Variants in PLSCR2 observed in about 807,000 individuals in gnomAD.
The protein encoded by PLSCR2 is PL scramblase 2.
Under a neutral mutation model 25.3 loss-of-function variants are expected in PLSCR2, and 18 were observed. That is an observed-to-expected ratio of 0.71 (90% CI 0.49 to 1.06). PLSCR2 has a LOEUF of 1.06. Ranked by LOEUF, PLSCR2 falls within the 50% of genes least tolerant of loss-of-function variation. PLSCR2 has a pLI of 0.00. For missense variants in PLSCR2, 243 were observed against 269.5 expected (o/e 0.90, Z 0.69); for synonymous variants, 88 against 87.3 (o/e 1.01, Z -0.04).
upstream of PLSCR2, chr3:146,461,894 AG>A (rs2041598232): frequency 2.0e-6 from 3 of 1,500,614 alleles, no homozygotes; most frequent in Non-Finnish European, 2.7e-6. Context: ...CGAAGTTTTC[AG>A]GAGTGCCCAG....
chr3:146,395,018 C>T (rs970318757), intron 3 of PLSCR2, among the ~76,000 whole-genome samples: 2 of 152,262 alleles, frequency 1.3e-5, no homozygotes, highest in Non-Finnish European at 2.9e-5. Flanking sequence ...CTGAAGCCTC[C>T]CTAGCTATGT....
exon 3 of PLSCR2, chr3:146,395,789 CT>C (rs11340803): frequency 0.53 from 86,488 of 164,692 alleles, 23,117 homozygotes; most frequent in South Asian, 0.71. Flanking sequence ...AGCATCAATG[CT>C]TTAATTTTAA....
At chr3:146,495,910 G>T in exon 1 of PLSCR2, 1 of 1,535,632 alleles carries the variant, frequency 6.5e-7, no homozygotes. Context: ...AGGTGAATTT[G>T]AAAAGGCTTC....
intron 1 of PLSCR2, among the ~76,000 whole-genome samples, chr3:146,486,229 T>C (rs140062746): frequency 0.01 from 1,563 of 152,094 alleles, 31 homozygotes; most frequent in African/African-American, 0.035. Context: ...AGATCTCAAA[T>C]TGACACCCTA....
chr3:146,404,027 C>G (rs749586436), intron 2 of PLSCR2, among the ~76,000 whole-genome samples: 2 of 152,122 alleles, frequency 1.3e-5, no homozygotes, highest in Non-Finnish European at 2.9e-5. Context: ...AACCACTCAC[C>G]CCGTCACTCT....
At chr3:146,413,005 T>A in intron 2 of PLSCR2, among the ~76,000 whole-genome samples, 1 of 152,100 alleles carries the variant, frequency 6.6e-6, no homozygotes, top group East Asian at 1.9e-4. Flanking sequence ...AACCAGGAAG[T>A]TAAACTTTAA....
At chr3:146,424,129 A>T (rs1284481742) in intron 2 of PLSCR2, among the ~76,000 whole-genome samples, 4 of 99,782 alleles carry the variant, frequency 4.0e-5, no homozygotes, top group African/African-American at 1.3e-4. Flanking sequence ...AATTTAAAGT[A>T]TTTAAAAAAA....
chr3:146,484,093 T>A (rs1205298269), intron 1 of PLSCR2, among the ~76,000 whole-genome samples: 1 of 151,618 alleles, frequency 6.6e-6, no homozygotes. Flanking sequence ...GAGAGGAAGA[T>A]AAATGACCTG....
chr3:146,468,346 G>T (rs372473351), intron 1 of PLSCR2, among the ~76,000 whole-genome samples: 2 of 152,268 alleles, frequency 1.3e-5, no homozygotes, highest in African/African-American at 4.8e-5. Flanking sequence ...CCCCCAAACC[G>T]CCTGACACTT....
chr3:146,444,190 A>C (rs1482421980), intron 6 of PLSCR2, among the ~76,000 whole-genome samples: 4 of 152,022 alleles, frequency 2.6e-5, no homozygotes, highest in Admixed American at 6.6e-5. Context: ...CATATAGTTT[A>C]TCCTTGAGAA....
At chr3:146,477,545 A>G (rs1345086253) in intron 1 of PLSCR2, among the ~76,000 whole-genome samples, 1 of 152,222 alleles carries the variant, frequency 6.6e-6, no homozygotes, top group Non-Finnish European at 1.5e-5. Context: ...GGTGTCAGCC[A>G]TTGCTGAGGC....
chr3:146,439,936 C>T (rs1180261143), downstream of PLSCR2, among the ~76,000 whole-genome samples: 3 of 152,144 alleles, frequency 2.0e-5, no homozygotes, highest in Admixed American at 6.5e-5. Context: ...ATGATGGTGA[C>T]GTACAGATGG....
At chr3:146,411,507 A>C (rs2038848243) in intron 2 of PLSCR2, among the ~76,000 whole-genome samples, 1 of 152,208 alleles carries the variant, frequency 6.6e-6, no homozygotes, top group Non-Finnish European at 1.5e-5. Context: ...GAAAATTCTT[A>C]GGTGGCGCTC....
chr3:146,460,209 G>A, exon 1 of PLSCR2: 5 of 1,390,848 alleles, frequency 3.6e-6, no homozygotes, highest in Non-Finnish European at 4.7e-6. Context: ...GAAGCTTGAG[G>A]TATGTTTTTA....
downstream of PLSCR2, among the ~76,000 whole-genome samples, chr3:146,438,953 C>T (rs1438296637): frequency 6.6e-6 from 1 of 152,106 alleles, no homozygotes; most frequent in African/African-American, 2.4e-5. Context: ...TTCAGGAGCT[C>T]TTGTAAGGCA....
intron 2 of PLSCR2, among the ~76,000 whole-genome samples, chr3:146,407,536 G>C (rs541832791): frequency 6.6e-6 from 1 of 152,316 alleles, no homozygotes; most frequent in South Asian, 2.1e-4. Context: ...CCTGGGTGCA[G>C]GTTGTGCACT....
chr3:146,468,222 A>T (rs1199923557), intron 1 of PLSCR2, among the ~76,000 whole-genome samples: 3 of 152,144 alleles, frequency 2.0e-5, no homozygotes, highest in Non-Finnish European at 1.5e-5. Flanking sequence ...TTTCCTTTGT[A>T]TGTGTTTTTC....
intron 3 of PLSCR2, among the ~76,000 whole-genome samples, chr3:146,456,545 G>A (rs542883546): frequency 2.6e-5 from 4 of 152,212 alleles, no homozygotes; most frequent in South Asian, 2.1e-4. Flanking sequence ...ACTTACTTGC[G>A]AAAATCTTAA....
intron 3 of PLSCR2, among the ~76,000 whole-genome samples, chr3:146,456,143 G>C (rs897148849): frequency 6.6e-6 from 1 of 152,168 alleles, no homozygotes; most frequent in African/African-American, 2.4e-5. Flanking sequence ...AGCATCCTAA[G>C]TGAGCTCTGC....
Sources: allele counts gnomAD v4.1 joint callset (sites outside exome capture counted in the v4.1 genomes callset), GRCh38; gene constraint gnomAD v4.1.1; transcripts MANE v1.5; gene names NCBI Gene and HGNC (gene_info 2026-07-23, HGNC 2026-07-21).